The following FCHO2 variants were observed in gnomAD, a reference collection of about 807,000 sequenced individuals.
The protein encoded by FCHO2 is FCH and mu domain containing endocytic adaptor 2, also known as F-BAR domain only protein 2.
Under a neutral mutation model 114.1 loss-of-function variants are expected in FCHO2, and 43 were observed. The observed-to-expected ratio is 0.38, with a 90% CI of 0.30 to 0.49. The LOEUF (loss-of-function observed/expected upper bound fraction) is 0.49, where lower values mean the gene tolerates loss of function less well. FCHO2 is among the 20% of genes least tolerant of loss of function. The probability of loss-of-function intolerance (pLI) is 0.97; values close to 1 mark genes in which losing one functional copy is unlikely to be tolerated. For synonymous variants in FCHO2, 293 were observed against 315.2 expected, an observed-to-expected ratio of 0.93 and a Z score of 0.75; for missense variants, 807 against 950.4, an observed-to-expected ratio of 0.85 and a Z score of 1.98.
intron 6 of FCHO2, among the ~76,000 whole-genome samples, chr5:73,011,897 G>A (rs967670825): frequency 1.3e-5 from 2 of 151,262 alleles, no homozygotes; most frequent in African/African-American, 2.4e-5. Context: ...GCAACAGAGC[G>A]AGACTCCATC....
chr5:72,996,877 G>A, intron 5 of FCHO2: 6 of 1,447,678 alleles, frequency 4.1e-6, no homozygotes, highest in South Asian at 2.5e-5. Context: ...GGGCCCCCGG[G>A]GCCGGCGGGG....
At chr5:72,988,444 A>G (rs538444030) in intron 2 of FCHO2, among the ~76,000 whole-genome samples, 128 of 152,350 alleles carry the variant, frequency 8.4e-4, no homozygotes, top group African/African-American at 3.0e-3. Context: ...TCTCAAAAAA[A>G]GAAGGCCATA....
At chr5:73,047,725 C>CT (rs1291187982) in intron 11 of FCHO2, among the ~76,000 whole-genome samples, 1 of 152,108 alleles carries the variant, frequency 6.6e-6, no homozygotes, top group East Asian at 1.9e-4. Flanking sequence ...TTAAGTCATA[C>CT]TTTAAGTCAT....
At chr5:72,973,380 T>A (rs913129270) in intron 2 of FCHO2, among the ~76,000 whole-genome samples, 1 of 152,188 alleles carries the variant, frequency 6.6e-6, no homozygotes, top group Non-Finnish European at 1.5e-5. Context: ...CAATTTCAGA[T>A]CCTGTTATTG....
chr5:72,969,473 G>C (rs1752391521), intron 2 of FCHO2, among the ~76,000 whole-genome samples: 1 of 152,148 alleles, frequency 6.6e-6, no homozygotes, highest in African/African-American at 2.4e-5. Flanking sequence ...AAGTGCTCTG[G>C]GTAAGGCTCT....
chr5:72,984,703 C>T (rs1561422682), intron 2 of FCHO2, among the ~76,000 whole-genome samples: 1 of 152,122 alleles, frequency 6.6e-6, no homozygotes, highest in Non-Finnish European at 1.5e-5. Flanking sequence ...TCACTGTCAT[C>T]CAGGCTGCAG....
chr5:73,001,925 T>C (rs910903382), intron 5 of FCHO2, among the ~76,000 whole-genome samples: 11 of 150,184 alleles, frequency 7.3e-5, no homozygotes, highest in Admixed American at 5.3e-4. Flanking sequence ...AAAAAAGAGC[T>C]GATTGAAAAA....
At chr5:73,047,417 A>G (rs1757109075) in intron 11 of FCHO2, among the ~76,000 whole-genome samples, 1 of 152,088 alleles carries the variant, frequency 6.6e-6, no homozygotes, top group African/African-American at 2.4e-5. Flanking sequence ...TTTTAAACAA[A>G]GATAAGCAGA....
intron 1 of FCHO2, among the ~76,000 whole-genome samples, chr5:72,961,314 C>G (rs1243088951): frequency 6.6e-6 from 1 of 152,008 alleles, no homozygotes; most frequent in Non-Finnish European, 1.5e-5. Flanking sequence ...AAATATATAT[C>G]TTTAGCAAAT....
chr5:72,958,860 A>G (rs1448616580), intron 1 of FCHO2, among the ~76,000 whole-genome samples: 1 of 152,226 alleles, frequency 6.6e-6, no homozygotes, highest in Non-Finnish European at 1.5e-5. Context: ...TTGCATCTTC[A>G]CATTAAAAGT....
At chr5:73,018,469 G>A (rs1755430386) in intron 8 of FCHO2, among the ~76,000 whole-genome samples, 1 of 150,658 alleles carries the variant, frequency 6.6e-6, no homozygotes, top group Non-Finnish European at 1.5e-5. Context: ...TCTGGACTTG[G>A]TTTCAGAGCC....
chr5:73,008,467 T>C (rs924168247), intron 6 of FCHO2, among the ~76,000 whole-genome samples: 4 of 152,164 alleles, frequency 2.6e-5, no homozygotes, highest in Admixed American at 2.0e-4. Context: ...TAAATCTATG[T>C]GGAGAGAGAT....
chr5:72,990,405 C>A, intron 3 of FCHO2, 73 bp from the exon 4 acceptor site: 1 of 1,198,288 alleles, frequency 8.3e-7, no homozygotes, highest in Non-Finnish European at 1.1e-6. Flanking sequence ...ATTATTTCCA[C>A]TGGTTCCTTG....
At chr5:73,007,396 TG>T (rs1754774917) in intron 6 of FCHO2, among the ~76,000 whole-genome samples, 1 of 152,224 alleles carries the variant, frequency 6.6e-6, no homozygotes, top group African/African-American at 2.4e-5. Flanking sequence ...CTATATTTTT[TG>T]TCTGTTTTTC....
At position 73,090,087 on chromosome 5, in the gene FCHO2, A is replaced by G. The variant is rs6892973; in HGVS notation, c.*1997A>G. On this transcript the variant is annotated 3_prime_UTR_variant, in exon 26 of 26. Transcript: ENST00000430046. ...TCTTACCGTGTTTGTTTTTAATCAAATATTACCTAAAAATGTACAAATTAG... is the reference window on the plus strand; with the variant it reads ...TCTTACCGTGTTTGTTTTTAATCAAGTATTACCTAAAAATGTACAAATTAG... The G allele has an allele frequency of 0.31, 46,808 of 152,492 alleles. 7,459 individuals are homozygous for G. Among genetic ancestry groups the G allele is most frequent in the East Asian group, 0.44 (2,258 of 5,174 alleles). The allele number at this position is 152,492 out of a possible 1,614,324, so 9.4% of individuals were successfully genotyped here.
chr5:73,051,855 C>CCGTCGCACCCGGCCCAAAGTCTG (rs1561479627), intron 12 of FCHO2, among the ~76,000 whole-genome samples: 1 of 152,102 alleles, frequency 6.6e-6, no homozygotes, highest in African/African-American at 2.4e-5. Flanking sequence ...CAGGTGTGAG[C>CCGTCGCACCCGGCCCAAAGTCTG]TAACCCGACT....
chr5:72,977,199 A>G (rs1488617856), intron 2 of FCHO2, among the ~76,000 whole-genome samples: 1 of 152,198 alleles, frequency 6.6e-6, no homozygotes, highest in African/African-American at 2.4e-5. Context: ...AGGAATTGCC[A>G]CACTGTCTTC....
chr5:73,023,700 C>CA (rs201431388), intron 8 of FCHO2, among the ~76,000 whole-genome samples: 109 of 127,482 alleles, frequency 8.6e-4, no homozygotes, highest in East Asian at 1.6e-3. Context: ...AACTCCATCT[C>CA]AAAAAAAAAA....
chr5:72,994,119 A>G (rs1753952270), intron 5 of FCHO2, among the ~76,000 whole-genome samples: 1 of 152,206 alleles, frequency 6.6e-6, no homozygotes, highest in Admixed American at 6.5e-5. Context: ...TTGCAACAAA[A>G]ACAAAAATTG....
Sources: allele counts gnomAD v4.1 joint callset (sites outside exome capture counted in the v4.1 genomes callset), GRCh38; gene constraint gnomAD v4.1.1; transcripts MANE v1.5; gene names NCBI Gene and HGNC (gene_info 2026-07-23, HGNC 2026-07-21).